CA12: variants seen among roughly 807,000 people sequenced by gnomAD.
The protein encoded by CA12 is carbonate dehydratase XII.
Under a neutral mutation model 46.8 loss-of-function variants are expected in CA12, and 36 were observed. The ratio of observed to expected loss-of-function variants is 0.77; its 90% confidence interval spans 0.59 to 1.02. The LOEUF is 1.02. Among genes scored for constraint, CA12 ranks in the 50% least tolerant of loss-of-function variants. CA12 has a pLI of 0.00. For missense variants in CA12, 436 were observed against 451.4 expected, an observed-to-expected ratio of 0.97 and a Z score of 0.31; for synonymous variants, 202 against 187.0, an observed-to-expected ratio of 1.08 and a Z score of -0.65.
chr15:63,365,404 G>C (rs1218097082), intron 2 of CA12, among the ~76,000 whole-genome samples: 1 of 152,224 alleles, frequency 6.6e-6, no homozygotes, highest in African/African-American at 2.4e-5. Flanking sequence ...GCACCGGGAG[G>C]GAGTTAAGAG....
intron 2 of CA12, among the ~76,000 whole-genome samples, chr15:63,358,479 G>C (rs1007288381): frequency 6.6e-6 from 1 of 152,196 alleles, no homozygotes; most frequent in Non-Finnish European, 1.5e-5. Flanking sequence ...TCCTGGCAGA[G>C]AGAGACTTGA....
chr15:63,323,878 C>T lies in CA12; in HGVS notation c.*2407G>A, dbSNP rs1215474650. 2 of 152,244 alleles carry T rather than the reference C, an allele frequency of 1.3e-5. No homozygotes were observed. The highest frequency in any genetic ancestry group is 4.8e-5 in the African/African-American group (2 of 41,458). 9.4% of individuals were successfully genotyped at this position (152,244 alleles called of 1,614,324 possible). A position where few individuals can be genotyped will look rare whatever the true frequency, so the allele number is the denominator to read the frequency against. On this transcript the variant is annotated 3_prime_UTR_variant, in exon 11 of 11. Transcript: ENST00000178638. The surrounding 1 kb of genome is among the most constrained non-coding windows in gnomAD (Gnocchi z 5.1). ...GAACAAAGAAAGAGATTCAAGATCT[C>T]ACATGAGTGAGAATCCAGGGCCTTC...
At chr15:63,354,198 A>T (rs1023704783) in intron 2 of CA12, among the ~76,000 whole-genome samples, 26 of 152,180 alleles carry the variant, frequency 1.7e-4, no homozygotes, top group African/African-American at 6.3e-4. Context: ...AACTAGCGTT[A>T]GAGTTTTCCT....
intron 2 of CA12, among the ~76,000 whole-genome samples, chr15:63,358,159 T>C (rs2039316525): frequency 6.6e-6 from 1 of 152,250 alleles, no homozygotes; most frequent in Non-Finnish European, 1.5e-5. Flanking sequence ...AAAATAGTTA[T>C]TGACCGAAAT....
intron 2 of CA12, among the ~76,000 whole-genome samples, chr15:63,358,674 A>G (rs181615770): frequency 1.5e-3 from 225 of 152,266 alleles, no homozygotes; most frequent in African/African-American, 5.3e-3. Flanking sequence ...ATCTAATTTG[A>G]ATGTGACCTT....
At chr15:63,364,483 T>G (rs929082065) in intron 2 of CA12, among the ~76,000 whole-genome samples, 6 of 152,024 alleles carry the variant, frequency 3.9e-5, no homozygotes, top group Non-Finnish European at 8.8e-5. Context: ...GGGTCCCAGT[T>G]AAACTGTACA....
chr15:63,352,134 C>A (rs910381693), intron 2 of CA12, among the ~76,000 whole-genome samples: 1 of 152,218 alleles, frequency 6.6e-6, no homozygotes, highest in South Asian at 2.1e-4. Flanking sequence ...CAGCTCACTG[C>A]AACCTCCGCC....
rs1028983905 is a variant in CA12, at chr15:63,372,688, G to A, written c.106+2970C>T. 2.0e-5 allele frequency among the ~76,000 whole-genome samples: 3 copies of A among 152,156 alleles called. No homozygotes were observed. The highest frequency in any genetic ancestry group is 4.4e-5 in the Non-Finnish European group (3 of 68,022). Reference sequence around the variant, plus strand: ...CTTATGCTGGGCCCTCTGTCTACCTGTGCAGCCCTGAGCACAGGTGCCAGC... The same window carrying A: ...CTTATGCTGGGCCCTCTGTCTACCTATGCAGCCCTGAGCACAGGTGCCAGC... On this transcript the variant is annotated intron_variant, in intron 2 of 10. Coordinates refer to ENST00000178638, the MANE Select transcript of CA12 (RefSeq NM_001218.5). This position sits in a 1 kb window ranked among gnomAD's most constrained non-coding sequence, Gnocchi z 4.5.
At position 63,371,837 on chromosome 15, in the gene CA12, G is replaced by GTT. The variant is rs11453974; in HGVS notation, c.106+3819_106+3820dup. 9.0e-4 allele frequency among the ~76,000 whole-genome samples: 136 copies of GTT among 151,780 alleles called. 2 individuals are homozygous for GTT. Among genetic ancestry groups the GTT allele is most frequent in the South Asian group, 1.5e-3 (7 of 4,812 alleles). On this transcript the variant is annotated intron_variant, in intron 2 of 10. Coordinates refer to ENST00000178638, the MANE Select transcript of CA12 (RefSeq NM_001218.5). ...GCTCTGTTGTTTTGAACACACTAGG[G>GTT]TTTTTTTTGTTTTGTTTTTGGGTTT...
chr15:63,338,394 C>A (rs1351677605), intron 8 of CA12, among the ~76,000 whole-genome samples: 1 of 152,194 alleles, frequency 6.6e-6, no homozygotes, highest in Non-Finnish European at 1.5e-5. Flanking sequence ...CATGAATCAC[C>A]TGGCCAGGCC....
Position 63,326,365 on chromosome 15 carries a change from A to G in CA12, c.993-8T>C, listed in dbSNP as rs1369418232. On this transcript the variant is annotated splice_polypyrimidine_tract_variant and splice_region_variant and intron_variant, in intron 10 of 10. Transcript: ENST00000178638. ...TTATCACCTTTTTTGATACTAGAAC[A>G]GAAAGAACACATAACTCTTGTTAGA... is the stretch of plus-strand genomic sequence containing the variant. The G allele has an allele frequency of 1.2e-6, 2 of 1,610,158 alleles. No individual in the cohort carries two copies. Among genetic ancestry groups the G allele is most frequent in the African/African-American group, 2.7e-5 (2 of 74,808 alleles).
At position 63,328,084 on chromosome 15, in the gene CA12, GC is replaced by G; in HGVS notation, c.907+13del. 6.2e-7 allele frequency: 1 copy of G among 1,612,634 alleles called. No individual in the cohort carries two copies. The highest frequency in any genetic ancestry group is 8.5e-7 in the Non-Finnish European group (1 of 1,178,738). ...CCAGCTGCAGCATGCACGGCTGGCT[GC>G]CCAGCCACATACCCAGACTCAGTCC... On this transcript the variant is annotated intron_variant, in intron 9 of 10. Transcript: ENST00000178638. This position sits in a 1 kb window ranked among gnomAD's most constrained non-coding sequence, Gnocchi z 5.9.
intron 2 of CA12, among the ~76,000 whole-genome samples, chr15:63,366,567 T>C (rs1185210153): frequency 2.6e-5 from 4 of 152,242 alleles, no homozygotes; most frequent in Admixed American, 2.0e-4. Context: ...ATCCGTTTCT[T>C]TAGTCCAATA....
intron 2 of CA12, among the ~76,000 whole-genome samples, chr15:63,368,776 C>G (rs551467108): frequency 1.3e-5 from 2 of 152,220 alleles, no homozygotes; most frequent in Admixed American, 6.5e-5. Flanking sequence ...CCTGCCAGCC[C>G]GCTGCACCTG....
At chr15:63,333,750 C>T (rs189117798) in intron 8 of CA12, among the ~76,000 whole-genome samples, 1 of 152,292 alleles carries the variant, frequency 6.6e-6, no homozygotes, top group East Asian at 1.9e-4. Flanking sequence ...TTAAGCAGAT[C>T]CTAATTGCAG....
intron 2 of CA12, among the ~76,000 whole-genome samples, chr15:63,368,116 A>T (rs959456587): frequency 2.6e-5 from 4 of 152,190 alleles, no homozygotes; most frequent in African/African-American, 9.7e-5. Flanking sequence ...AGCATCTAAC[A>T]TGGTGCTTCT....
chr15:63,332,555 G>A (rs2038949992), intron 8 of CA12, among the ~76,000 whole-genome samples: 1 of 152,232 alleles, frequency 6.6e-6, no homozygotes, highest in African/African-American at 2.4e-5. Flanking sequence ...GAAAGAATGG[G>A]TGGTGGGACG....
rs1171749079 is a variant in CA12, at chr15:63,329,233, T to G, written c.875-1103A>C. On this transcript the variant is annotated intron_variant, in intron 8 of 10. Coordinates refer to ENST00000178638, the MANE Select transcript of CA12 (RefSeq NM_001218.5). This position sits in a 1 kb window ranked among gnomAD's most constrained non-coding sequence, Gnocchi z 4.8. Reference sequence around the variant, plus strand: ...CTTCACCACATCAGCCCCACTTCTCTGCTCCATGGAACCAGGGTATTACGG... The same window carrying G: ...CTTCACCACATCAGCCCCACTTCTCGGCTCCATGGAACCAGGGTATTACGG... Among the ~76,000 whole-genome samples, 4 of 152,350 alleles carry G rather than the reference T, an allele frequency of 2.6e-5. No individual in the cohort carries two copies. The highest frequency in any genetic ancestry group is 6.8e-3 in the Middle Eastern group (2 of 294).
At chr15:63,377,927 TATC>T (rs1300936085) in intron 1 of CA12, among the ~76,000 whole-genome samples, 1 of 152,208 alleles carries the variant, frequency 6.6e-6, no homozygotes, top group African/African-American at 2.4e-5. Flanking sequence ...TCCTGACCAA[TATC>T]ATATTCCCAC....
Sources: gnomAD v4.1 joint callset for allele counts (sites outside exome capture counted in the v4.1 genomes callset) on GRCh38, gnomAD v4.1.1 for gene constraint, Gnocchi (gnomAD v3.1) non-coding constraint, MANE v1.5 for transcripts, NCBI Gene and HGNC (gene_info 2026-07-23, HGNC 2026-07-21) for gene names.